STXBP5L: variants seen among roughly 807,000 people sequenced by gnomAD.
STXBP5L encodes the protein syntaxin-binding protein 5-like.
A neutral mutation model predicts 144.5 loss-of-function variants in STXBP5L; 65 were observed. The ratio of observed to expected loss-of-function variants is 0.45; its 90% CI spans 0.37 to 0.55. STXBP5L has a LOEUF of 0.55. Among genes scored for constraint, STXBP5L ranks in the 20% least tolerant of loss-of-function variants. The probability of loss-of-function intolerance (pLI) is 0.00; values close to 1 mark genes in which losing one functional copy is unlikely to be tolerated. For missense variants in STXBP5L, 1,298 were observed against 1,405.5 expected (o/e 0.92, Z 1.22); for synonymous variants, 505 against 469.6 (o/e 1.08, Z -0.97).
chr3:121,369,568 A>AT (rs149272171), intron 20 of STXBP5L, among the ~76,000 whole-genome samples: 15,436 of 149,908 alleles, frequency 0.1, 1,196 homozygotes, highest in Admixed American at 0.21. Context: ...TGGTTCTTTG[A>AT]TTTTTTCTTT....
intron 19 of STXBP5L, among the ~76,000 whole-genome samples, chr3:121,287,600 G>A (rs2051275649): frequency 6.6e-6 from 1 of 152,080 alleles, no homozygotes. Context: ...GGAGGCTGAG[G>A]TGGGTGGATC....
intron 5 of STXBP5L, among the ~76,000 whole-genome samples, chr3:121,097,627 C>T (rs1041673565): frequency 6.6e-6 from 1 of 152,160 alleles, no homozygotes; most frequent in Non-Finnish European, 1.5e-5. Flanking sequence ...CTTCAGATCA[C>T]CCTCCGTGAG....
chr3:121,390,878 C>T (rs1012234756), intron 22 of STXBP5L, among the ~76,000 whole-genome samples: 29 of 152,056 alleles, frequency 1.9e-4, no homozygotes, highest in Admixed American at 1.5e-3. Context: ...TTGCTCTTCT[C>T]GAGGAGTATC....
intron 20 of STXBP5L, among the ~76,000 whole-genome samples, chr3:121,345,931 T>C (rs1179010032): frequency 1.3e-5 from 2 of 152,020 alleles, no homozygotes; most frequent in African/African-American, 4.8e-5. Flanking sequence ...TTTGTTCTTC[T>C]AGTTTTGTTT....
rs141762799 is a variant in STXBP5L at position 121,271,233 on chromosome 3, A to G, written c.1959-8572A>G. On this transcript the variant is annotated intron_variant, in intron 18 of 26. Transcript: ENST00000471454. ...TATAAGTATGAAATCTTAGATTTGCATTTTATTCAGTGAGTTAAGATCTGT... is the reference window on the plus strand; with the variant it reads ...TATAAGTATGAAATCTTAGATTTGCGTTTTATTCAGTGAGTTAAGATCTGT... 2.4e-3 allele frequency among the ~76,000 whole-genome samples: 367 copies of G among 152,264 alleles called. 1 individual carries two copies. Among genetic ancestry groups the G allele is most frequent in the African/African-American group, 8.4e-3 (351 of 41,552 alleles).
intron 20 of STXBP5L, among the ~76,000 whole-genome samples, chr3:121,325,316 G>C (rs1004586483): frequency 2.0e-5 from 3 of 152,034 alleles, no homozygotes; most frequent in African/African-American, 7.2e-5. Flanking sequence ...TTTTCAAACA[G>C]TATTTTATTT....
At chr3:121,313,228 ACCTC>A (rs1559964321) in intron 19 of STXBP5L, among the ~76,000 whole-genome samples, 1 of 84,142 alleles carries the variant, frequency 1.2e-5, no homozygotes, top group African/African-American at 5.2e-5. Context: ...GACCCCCCCC[ACCTC>A]CCTCCCGGAC....
chr3:121,368,605 A>G (rs1404513843), intron 20 of STXBP5L, among the ~76,000 whole-genome samples: 2 of 151,840 alleles, frequency 1.3e-5, no homozygotes, highest in African/African-American at 2.4e-5. Flanking sequence ...TCTGGAAATC[A>G]TATTTGCTCC....
intron 5 of STXBP5L, among the ~76,000 whole-genome samples, chr3:121,091,713 C>T (rs1188322119): frequency 1.3e-5 from 2 of 152,102 alleles, no homozygotes; most frequent in Non-Finnish European, 2.9e-5. Flanking sequence ...AATTTTCTCC[C>T]ATGTTGTAGG....
At chr3:121,005,159 T>G (rs893079304) in intron 3 of STXBP5L, among the ~76,000 whole-genome samples, 1 of 152,142 alleles carries the variant, frequency 6.6e-6, no homozygotes, top group East Asian at 1.9e-4. Flanking sequence ...TGGTAGAATT[T>G]GGCTGTGAAT....
chr3:121,272,224 T>C (rs1010976274), intron 18 of STXBP5L, among the ~76,000 whole-genome samples: 1 of 152,224 alleles, frequency 6.6e-6, no homozygotes, highest in Non-Finnish European at 1.5e-5. Context: ...GTGAGAGTGT[T>C]GAAATGCCCT....
At chr3:121,119,776 A>C (rs891277809) in intron 6 of STXBP5L, among the ~76,000 whole-genome samples, 1 of 151,338 alleles carries the variant, frequency 6.6e-6, no homozygotes, top group Non-Finnish European at 1.5e-5. Flanking sequence ...TATGCAGTGA[A>C]ATAATGTGAA....
At chr3:121,259,262 G>A (rs2050309124) in intron 18 of STXBP5L, 94 bp downstream of exon 18, 1 of 968,570 alleles carries the variant, frequency 1.0e-6, no homozygotes. Flanking sequence ...ATGAAAAGAA[G>A]CCCTTACCTG....
At chr3:121,096,388 T>C (rs2043130561) in intron 5 of STXBP5L, among the ~76,000 whole-genome samples, 1 of 152,228 alleles carries the variant, frequency 6.6e-6, no homozygotes. Flanking sequence ...CATCTAGTTT[T>C]ATTCTGTTGC....
chr3:120,950,078 TA>T (rs1391779606), intron 2 of STXBP5L, among the ~76,000 whole-genome samples: 1 of 152,030 alleles, frequency 6.6e-6, no homozygotes, highest in Admixed American at 6.6e-5. Context: ...AAAAATAATT[TA>T]AAAAAACATT....
intron 10 of STXBP5L, among the ~76,000 whole-genome samples, chr3:121,211,534 C>T (rs971584384): frequency 2.9e-4 from 43 of 150,016 alleles, no homozygotes; most frequent in African/African-American, 1.1e-3. Context: ...CCTATTTTTT[C>T]TACATCTTCT....
chr3:121,297,081 T>C (rs1269672782), intron 19 of STXBP5L, among the ~76,000 whole-genome samples: 1 of 152,096 alleles, frequency 6.6e-6, no homozygotes, highest in African/African-American at 2.4e-5. Flanking sequence ...GAGTGTTGGA[T>C]TGAGAAATAA....
At chr3:121,045,397 G>T in intron 4 of STXBP5L, 38 bp from the exon 5 acceptor site, 1 of 1,552,198 alleles carries the variant, frequency 6.4e-7, no homozygotes. Flanking sequence ...CCTAAATTAA[G>T]TAAATCACAC....
At chr3:121,099,982 C>T (rs1056622706) in intron 5 of STXBP5L, among the ~76,000 whole-genome samples, 1 of 152,080 alleles carries the variant, frequency 6.6e-6, no homozygotes, top group African/African-American at 2.4e-5. Flanking sequence ...TTTAAACCAA[C>T]AACCGTATAA....
Sources: allele counts gnomAD v4.1 joint callset (sites outside exome capture counted in the v4.1 genomes callset), GRCh38; gene constraint gnomAD v4.1.1; transcripts MANE v1.5; gene names NCBI Gene and HGNC (gene_info 2026-07-23, HGNC 2026-07-21).